TACC3: variants seen among roughly 807,000 people sequenced by gnomAD.
TACC3 encodes the protein transforming acidic coiled-coil containing protein 3, also known as transforming acidic coiled-coil-containing protein 3.
In TACC3, 52 loss-of-function variants were observed where a neutral mutation model predicts 86.0. The observed-to-expected ratio is 0.60, with a 90% CI of 0.48 to 0.76. The LOEUF (loss-of-function observed/expected upper bound fraction) is 0.76. TACC3 is among the 30% of genes least tolerant of loss of function. The pLI is 0.00. For missense variants in TACC3, 1,120 were observed against 1,070.4 expected, an observed-to-expected ratio of 1.05 and a Z score of -0.65; for synonymous variants, 512 against 430.0, an observed-to-expected ratio of 1.19 and a Z score of -2.36.
chr4:1,725,416 C>T (rs577912657), intron 3 of TACC3, among the ~76,000 whole-genome samples: 26 of 152,318 alleles, frequency 1.7e-4, no homozygotes, highest in Admixed American at 1.5e-3. Flanking sequence ...GCAGTTCTTC[C>T]CATGTCTGCT....
At chr4:1,740,180 G>A (rs1577224410) in intron 12 of TACC3, 178 bp downstream of exon 12, 1 of 642,734 alleles carries the variant, frequency 1.6e-6, no homozygotes, top group East Asian at 2.7e-5. Context: ...CGGGGAAGCT[G>A]GTGGTAGTGA....
In TACC3 at chr4:1,744,648, C is replaced by T. The variant is rs763350289; in HGVS notation, c.2330+24C>T. ...CTGTGAGTGCTGGGCGAGGCCCCAC[C>T]CTGGAGGGAGAATCTGAGCACCTGG... On this transcript the variant is annotated intron_variant, in intron 14 of 15. Transcript: ENST00000313288. 1.9e-6 allele frequency: 3 copies of T among 1,612,306 alleles called. No individual in the cohort carries two copies. In the East Asian group the frequency reaches 6.7e-5, roughly 36 times the overall value.
At position 1,728,557 on chromosome 4, in the gene TACC3, CGGTA is replaced by C. The variant is rs1560300822; in HGVS notation, c.1158_1161del (p.Arg387AlafsTer73). On this transcript the variant is annotated frameshift_variant, in exon 4 of 16. Coordinates refer to ENST00000313288, the MANE Select transcript of TACC3 (RefSeq NM_006342.3). LOFTEE classifies it high-confidence loss of function. ...CCCCGCAGGAGGTGGAGGAGGACGA[CGGTA>C]GGAGCGGAGCAGGAGAGGACCCCCC... 1 of 1,613,834 alleles carries C rather than the reference CGGTA, an allele frequency of 6.2e-7. No homozygotes were observed. The highest frequency in any genetic ancestry group is 1.3e-5 in the African/African-American group (1 of 74,918).
rs2249143 is a variant in TACC3, at chr4:1,740,013, G to C, written c.2062+11G>C. On this transcript the variant is annotated intron_variant, in intron 12 of 15. Transcript: ENST00000313288. ...TGTACCAGGCCATGGGTGAGTGCCC[G>C]GGCCACCGAGGCCACGTGCCTCCAC... The C allele has an allele frequency of 1.9e-6, 3 of 1,612,012 alleles. No individual in the cohort carries two copies. The highest frequency in any genetic ancestry group is 1.7e-5 in the Admixed American group (1 of 59,974).
intron 8 of TACC3, among the ~76,000 whole-genome samples, chr4:1,736,281 G>C (rs1718258442): frequency 6.6e-6 from 1 of 151,848 alleles, no homozygotes; most frequent in South Asian, 2.1e-4. Flanking sequence ...AAATTAGCCG[G>C]GTGTGACGGC....
intron 3 of TACC3, among the ~76,000 whole-genome samples, chr4:1,724,459 C>T (rs1030262756): frequency 4.0e-5 from 5 of 126,376 alleles, no homozygotes; most frequent in Admixed American, 9.8e-5. Context: ...GGCTCGATTT[C>T]GGCTCACTGC....
rs753525174 is a variant in TACC3 at position 1,735,004 on chromosome 4, C to T, written c.1592-269C>T. On this transcript the variant is annotated intron_variant, in intron 6 of 15. Coordinates refer to ENST00000313288, the MANE Select transcript of TACC3 (RefSeq NM_006342.3). This position sits in a 1 kb window ranked among gnomAD's most constrained non-coding sequence, Gnocchi z 4.2. Reference sequence around the variant, plus strand: ...TTCTCAACCAGAGCAGTTTTGCCCCCGCCTTTCCCCAGATGTTTGTGGTTG... The same window carrying T: ...TTCTCAACCAGAGCAGTTTTGCCCCTGCCTTTCCCCAGATGTTTGTGGTTG... Among the ~76,000 whole-genome samples, 19 of 152,248 alleles carry T rather than the reference C, an allele frequency of 1.2e-4. No individual in the cohort carries two copies. The highest frequency in any genetic ancestry group is 6.5e-5 in the Admixed American group (1 of 15,286).
intron 10 of TACC3, chr4:1,738,022 C>T (rs533754504): frequency 9.3e-5 from 39 of 420,834 alleles, no homozygotes; most frequent in African/African-American, 6.7e-4. Context: ...GCCCGAGTGT[C>T]GCCCCTTTCC....
chr4:1,727,561 G>C (rs1306691921), intron 3 of TACC3, 147 bp from the exon 4 acceptor site: 17 of 1,275,044 alleles, frequency 1.3e-5, no homozygotes, highest in East Asian at 9.5e-5. Flanking sequence ...GAACTGAGGT[G>C]GGGGGTGGAG....
intron 4 of TACC3, among the ~76,000 whole-genome samples, chr4:1,729,649 C>T (rs1051097779): frequency 2.0e-5 from 3 of 152,200 alleles, no homozygotes; most frequent in Non-Finnish European, 4.4e-5. Flanking sequence ...AAGACAGAGC[C>T]AGGTGTACAG....
intron 1 of TACC3, 121 bp from the exon 2 acceptor site, chr4:1,723,300 A>T: frequency 1.0e-6 from 1 of 992,506 alleles, no homozygotes; most frequent in Non-Finnish European, 1.5e-6. Context: ...TGTGAGTTCC[A>T]GAGCAATGAG....
intron 12 of TACC3, 144 bp downstream of exon 12, chr4:1,740,146 C>T: frequency 2.6e-6 from 2 of 781,018 alleles, no homozygotes; most frequent in South Asian, 1.7e-5. Context: ...ATGGGCCCGG[C>T]CGTGGAAGCA....
At position 1,721,556 on chromosome 4, in the gene TACC3, C is replaced by G. The variant is rs1157515540; in HGVS notation, c.-89C>G. The G allele has an allele frequency of 6.6e-6, 1 of 152,186 alleles. No homozygotes were observed. Among genetic ancestry groups the G allele is most frequent in the Non-Finnish European group, 1.5e-5 (1 of 68,058 alleles). 9.4% of individuals were successfully genotyped at this position (152,186 alleles called of 1,614,324 possible). ...AAGCGCGACGGCGGTAGCAGCTAGG[C>G]TTGGCCCCCGGCGTGGAGCAGACGC... On this transcript the variant is annotated 5_prime_UTR_variant, in exon 1 of 16. Coordinates refer to ENST00000313288, the MANE Select transcript of TACC3 (RefSeq NM_006342.3).
At chr4:1,741,072 G>A in intron 13 of TACC3, 86 bp downstream of exon 13, 1 of 1,402,774 alleles carries the variant, frequency 7.1e-7, no homozygotes, top group Non-Finnish European at 9.6e-7. Context: ...TGCTGTCTTT[G>A]CACCTTGGTC....
chr4:1,726,205 C>T (rs1717680305), intron 3 of TACC3, among the ~76,000 whole-genome samples: 1 of 152,176 alleles, frequency 6.6e-6, no homozygotes. Flanking sequence ...AGGTGGGTCC[C>T]TGGGAAGGTG....
At chr4:1,737,409 C>T (rs947538289) in intron 9 of TACC3, 81 bp downstream of exon 9, 5 of 1,401,160 alleles carry the variant, frequency 3.6e-6, no homozygotes, top group East Asian at 2.3e-5. Flanking sequence ...ATTTTCTATT[C>T]CTGGGGGTCT....
chr4:1,728,227 CCCTGCGGGTGTGGG>C lies in TACC3; in HGVS notation c.827_840del (p.Pro276HisfsTer20). 1 of 1,612,202 alleles carries C rather than the reference CCCTGCGGGTGTGGG, an allele frequency of 6.2e-7. No individual in the cohort carries two copies. Among genetic ancestry groups the C allele is most frequent in the East Asian group, 2.2e-5 (1 of 44,848 alleles). On this transcript the variant is annotated frameshift_variant, in exon 4 of 16. Coordinates refer to ENST00000313288, the MANE Select transcript of TACC3 (RefSeq NM_006342.3). LOFTEE classifies it high-confidence loss of function. ...GTCTGCCTGGCGAAGCCCTGGGCTG[CCCTGCGGGTGTGGG>C]CACCCCCGTGCCAGCAGATGGCACT... is the stretch of plus-strand genomic sequence containing the variant.
chr4:1,743,485 G>A (rs971595714), intron 13 of TACC3, among the ~76,000 whole-genome samples: 2 of 151,966 alleles, frequency 1.3e-5, no homozygotes, highest in Non-Finnish European at 2.9e-5. Context: ...TCCGGGAGGC[G>A]GAGGTTGCAG....
Position 1,739,847 on chromosome 4 carries a change from GCCATCCTTGTCCCCA to G in TACC3, c.2018+70_2018+84del, listed in dbSNP as rs1718487879. 2.2e-6 allele frequency: 3 copies of G among 1,363,462 alleles called. No homozygotes were observed. The East Asian group carries it at 9.3e-5, about 42-fold the overall frequency. The allele number at this position is 1,363,462 out of a possible 1,614,324, so 84.5% of individuals were successfully genotyped here. A position where few individuals can be genotyped will look rare whatever the true frequency, so the allele number is the denominator to read the frequency against. ...CGCCATCCTTGTCCCCATCCCCCTC[GCCATCCTTGTCCCCA>G]TCCCCCTCGCCATCCCTGTCCCCGT... On this transcript the variant is annotated intron_variant, in intron 11 of 15. Transcript: ENST00000313288.
Sources: allele counts gnomAD v4.1 joint callset (sites outside exome capture counted in the v4.1 genomes callset), GRCh38; gene constraint gnomAD v4.1.1; non-coding constraint Gnocchi (gnomAD v3.1); transcripts MANE v1.5; gene names NCBI Gene and HGNC (gene_info 2026-07-23, HGNC 2026-07-21).